The following PRSS33 variants were observed in gnomAD, a reference collection of about 807,000 sequenced individuals.
PRSS33 encodes serine protease 33.
In PRSS33, 32 loss-of-function variants were observed where a neutral mutation model predicts 26.7. The ratio of observed to expected loss-of-function variants is 1.20; its 90% CI spans 0.90 to 1.61. PRSS33 has a LOEUF of 1.61. PRSS33 is among the 40% of genes most tolerant of loss of function. The probability of loss-of-function intolerance (pLI) is 0.00; values close to 1 mark genes in which losing one functional copy is unlikely to be tolerated. For missense variants in PRSS33, 450 were observed against 396.3 expected (o/e 1.14, Z -1.15); for synonymous variants, 192 against 177.6 (o/e 1.08, Z -0.64).
chr16:2,786,497 C>A lies in PRSS33; in HGVS notation c.46+5G>T. ...CCCTCACCCCCAGTCCCTGTCCCCA[C>A]TCACCCAGCACCAGAAGGAGCAGGA... On this transcript the variant is annotated splice_donor_5th_base_variant and intron_variant, in intron 2 of 6. Transcript: ENST00000682474. 3.1e-6 allele frequency: 5 copies of A among 1,613,436 alleles called. No homozygotes were observed. Among genetic ancestry groups the A allele is most frequent in the Non-Finnish European group, 4.2e-6 (5 of 1,179,734 alleles).
At position 2,785,656 on chromosome 16, in the gene PRSS33, A is replaced by G. The variant is rs1270657267; in HGVS notation, c.243-10T>C. On this transcript the variant is annotated splice_polypyrimidine_tract_variant and intron_variant, in intron 4 of 6. Transcript: ENST00000682474. ...AGCTGGCAGTGCCCTCCTGCAGGAC[A>G]GGAGCGGGGGACTACTTCCAGCACC... The G allele has an allele frequency of 1.4e-6, 2 of 1,479,606 alleles. No individual in the cohort carries two copies. Among genetic ancestry groups the G allele is most frequent in the Non-Finnish European group, 1.8e-6 (2 of 1,120,344 alleles). 91.7% of individuals were successfully genotyped at this position (1,479,606 alleles called of 1,614,324 possible).
rs1396676244 is a variant in PRSS33, at chr16:2,784,571, G to A, written c.*73C>T. On this transcript the variant is annotated 3_prime_UTR_variant, in exon 7 of 7. Transcript: ENST00000682474. ...CGAGGCAGAAGGGATGTGGGGTATA[G>A]GCAGGTGCCTGGATGAACCAGGAGG... The A allele has an allele frequency of 2.8e-6, 4 of 1,442,692 alleles. No individual in the cohort carries two copies. The highest frequency in any genetic ancestry group is 3.7e-6 in the Non-Finnish European group (4 of 1,072,276). 89.4% of individuals were successfully genotyped at this position (1,442,692 alleles called of 1,614,324 possible). A position where few individuals can be genotyped will look rare whatever the true frequency, so the allele number is the denominator to read the frequency against.
chr16:2,785,681 C>T (rs1187331040), intron 4 of PRSS33, 35 bp from the exon 5 acceptor site: 16 of 1,467,478 alleles, frequency 1.1e-5, no homozygotes, highest in East Asian at 1.0e-4. Flanking sequence ...CTTCCAGCAC[C>T]GGGTCCTCGA....
chr16:2,785,338 C>A (rs1023348261), intron 5 of PRSS33, 37 bp downstream of exon 5: 17 of 1,454,412 alleles, frequency 1.2e-5, no homozygotes, highest in Non-Finnish European at 1.5e-5. Context: ...GACGTGGGGG[C>A]TCCCGGATGC....
rs768277213 is a variant in PRSS33 at position 2,785,178 on chromosome 16, G to T, written c.515-7C>A. 3 of 1,534,366 alleles carry T rather than the reference G, an allele frequency of 2.0e-6. No homozygotes were observed. The highest frequency in any genetic ancestry group is 2.6e-6 in the Non-Finnish European group (3 of 1,143,732). ...CGCCACTCTGGGAGGGGCACTGGGG[G>T]AAGAGGAGGGACCTCTGAGAGGAAG... On this transcript the variant is annotated splice_region_variant and splice_polypyrimidine_tract_variant and intron_variant, in intron 5 of 6. Coordinates refer to ENST00000682474, the MANE Select transcript of PRSS33 (RefSeq NM_152891.3).
chr16:2,784,583 G>T lies in PRSS33; in HGVS notation c.*61C>A. ...GATGTGGGGTATAGGCAGGTGCCTG[G>T]ATGAACCAGGAGGCTGAGGGACCCC... is the stretch of plus-strand genomic sequence containing the variant. On this transcript the variant is annotated 3_prime_UTR_variant, in exon 7 of 7. Transcript: ENST00000682474. 1 of 1,489,234 alleles carries T rather than the reference G, an allele frequency of 6.7e-7. No individual in the cohort carries two copies. The highest frequency in any genetic ancestry group is 9.0e-7 in the Non-Finnish European group (1 of 1,108,574). 92.3% of individuals were successfully genotyped at this position (1,489,234 alleles called of 1,614,324 possible).
Position 2,784,747 on chromosome 16 carries a change from C to T in PRSS33, c.740G>A (p.Gly247Asp). ...CLQSGSWVLV[G>D]VVSWGKGCAL... ...ACAACCCTTGCCCCAGCTCACCACG[C>T]CCACCAGGACCCAGCTCCCAGACTG... Residue 247 changes from glycine (G) to aspartate (D), a missense_variant, in exon 7 of 7, where the codon GGC (glycine) becomes GAC (aspartate). Coordinates refer to ENST00000682474, the MANE Select transcript of PRSS33 (RefSeq NM_152891.3). 6.2e-7 allele frequency: 1 copy of T among 1,608,306 alleles called. No homozygotes were observed. Among genetic ancestry groups the T allele is most frequent in the African/African-American group, 1.3e-5 (1 of 74,890 alleles).
At chr16:2,786,782 C>T in intron 1 of PRSS33, 178 bp from the exon 2 acceptor site, 1 of 487,970 alleles carries the variant, frequency 2.0e-6, no homozygotes, top group East Asian at 3.5e-5. Flanking sequence ...GTATGCAGCA[C>T]CCACCACCCA....
At position 2,785,654 on chromosome 16, in the gene PRSS33, A is replaced by G. The variant is rs777696898; in HGVS notation, c.243-8T>C. 6.8e-6 allele frequency: 10 copies of G among 1,480,962 alleles called. No homozygotes were observed. In the Admixed American group the frequency reaches 2.1e-4, roughly 32 times the overall value. 91.7% of individuals were successfully genotyped at this position (1,480,962 alleles called of 1,614,324 possible). A position where few individuals can be genotyped will look rare whatever the true frequency, so the allele number is the denominator to read the frequency against. On this transcript the variant is annotated splice_polypyrimidine_tract_variant and splice_region_variant and intron_variant, in intron 4 of 6. Coordinates refer to ENST00000682474, the MANE Select transcript of PRSS33 (RefSeq NM_152891.3). ...TCAGCTGGCAGTGCCCTCCTGCAGG[A>G]CAGGAGCGGGGGACTACTTCCAGCA...
intron 2 of PRSS33, 104 bp from the exon 3 acceptor site, chr16:2,786,225 C>T: frequency 9.1e-7 from 1 of 1,101,654 alleles, no homozygotes; most frequent in South Asian, 1.3e-5. Flanking sequence ...CAATGTTGCC[C>T]TGACATTGCG....
In PRSS33 at chr16:2,786,425, C is replaced by A. The variant is rs376924266; in HGVS notation, c.46+77G>T. 9.2e-5 allele frequency: 144 copies of A among 1,556,768 alleles called. No individual in the cohort carries two copies. The African/African-American group carries it at 1.8e-3, about 20-fold the overall frequency. On this transcript the variant is annotated intron_variant, in intron 2 of 6. Coordinates refer to ENST00000682474, the MANE Select transcript of PRSS33 (RefSeq NM_152891.3). ...CCCAAGAGTGCTCCAGGGAGCCCGGCCCAGGGAGCAGTGAGATGGGAGAAC... is the reference window on the plus strand; with the variant it reads ...CCCAAGAGTGCTCCAGGGAGCCCGGACCAGGGAGCAGTGAGATGGGAGAAC...
chr16:2,785,283 G>T, intron 5 of PRSS33, 92 bp downstream of exon 5: 7 of 1,447,658 alleles, frequency 4.8e-6, no homozygotes, highest in Non-Finnish European at 6.4e-6. Flanking sequence ...GCTGGGTCCT[G>T]GATTGGGGCA....
chr16:2,785,341 C>G, intron 5 of PRSS33, 34 bp downstream of exon 5: 1 of 1,452,784 alleles, frequency 6.9e-7, no homozygotes, highest in Non-Finnish European at 9.0e-7. Context: ...GTGGGGGCTC[C>G]CGGATGCCTC....
In PRSS33 at chr16:2,785,912, G is replaced by T; in HGVS notation, c.129C>A (p.Gly43=). The change falls in exon 4 of 7, where the codon GGC becomes GGA. Residue 43 remains glycine (G), a synonymous_variant. Transcript: ENST00000682474. The stretch of plus-strand genomic sequence containing the variant: ...CCTGCCACGGCCACTCTCCGTCCCG[G>T]CCATCCCGGCCCCCAACGATCCGAC... ...MSSRIVGGRD[G]RDGEWPWQAS... 2 of 1,611,772 alleles carry T rather than the reference G, an allele frequency of 1.2e-6. No individual in the cohort carries two copies. The highest frequency in any genetic ancestry group is 2.2e-5 in the South Asian group (2 of 90,968).
Position 2,784,761 on chromosome 16 carries a change from G to A in PRSS33, c.726C>T (p.Ser242=). 1 of 1,609,396 alleles carries A rather than the reference G, an allele frequency of 6.2e-7. No individual in the cohort carries two copies. Among genetic ancestry groups the A allele is most frequent in the Non-Finnish European group, 8.5e-7 (1 of 1,178,132 alleles). The stretch of plus-strand genomic sequence containing the variant: ...AGCTCACCACGCCCACCAGGACCCA[G>A]CTCCCAGACTGCAGGCAGGTCAGAG... ...GGPLTCLQSG[S]WVLVGVVSWG... Residue 242 remains serine, a synonymous_variant, in exon 7 of 7, where the codon AGC becomes AGT. Coordinates refer to ENST00000682474, the MANE Select transcript of PRSS33 (RefSeq NM_152891.3).
chr16:2,785,957 G>T lies in PRSS33; in HGVS notation c.84C>A (p.Cys28Ter), dbSNP rs765145091. 3 of 1,612,742 alleles carry T rather than the reference G, an allele frequency of 1.9e-6. No homozygotes were observed. Among genetic ancestry groups the T allele is most frequent in the Admixed American group, 1.7e-5 (1 of 59,966 alleles). Residue 28 changes from cysteine to a stop codon, truncating the protein, a stop_gained, in exon 4 of 7, where the codon TGC becomes TGA. Transcript: ENST00000682474. LOFTEE classifies it high-confidence loss of function. ...AGTQGRKSAA[C>*]GQPRMSSRIV... ...TCCGACTGGACATGCGGGGCTGCCC[G>T]CAGGCTAGAAAAGGACCAGGGGCGG...
chr16:2,785,044 A>G lies in PRSS33; in HGVS notation c.642T>C (p.Ser214=). The change falls in exon 6 of 7, where the codon AGT becomes AGC. Residue 214 remains serine (S), a synonymous_variant. Transcript: ENST00000682474. The part of the protein sequence containing the change: ...PQAERIVLPG[S]LCAGYPQGHK... ...GGCCCTGGGGGTAGCCGGCACACAG[A>G]CTCCCAGGCAGCACAATGCGCTCAG... The G allele has an allele frequency of 6.3e-7, 1 of 1,586,664 alleles. No individual in the cohort carries two copies. The highest frequency in any genetic ancestry group is 1.3e-5 in the African/African-American group (1 of 74,358).
In PRSS33 at chr16:2,784,394, A is replaced by C; in HGVS notation, c.*250T>G. 4 of 370,200 alleles carry C rather than the reference A, an allele frequency of 1.1e-5. No homozygotes were observed. Among genetic ancestry groups the C allele is most frequent in the East Asian group, 4.8e-5 (1 of 20,714 alleles). The allele number at this position is 370,200 out of a possible 1,614,324, so 22.9% of individuals were successfully genotyped here. A position where few individuals can be genotyped will look rare whatever the true frequency, so the allele number is the denominator to read the frequency against. On this transcript the variant is annotated 3_prime_UTR_variant, in exon 7 of 7. Coordinates refer to ENST00000682474, the MANE Select transcript of PRSS33 (RefSeq NM_152891.3). ...CAAGAAAAGTAAATACAAGCCAGGA[A>C]GGGAGTGGGGAGTGTGACTCCCTGG...
At chr16:2,785,761 C>A in intron 4 of PRSS33, 38 bp downstream of exon 4, 1 of 1,546,714 alleles carries the variant, frequency 6.5e-7, no homozygotes, top group Non-Finnish European at 8.7e-7. Flanking sequence ...GCCTTGCCTT[C>A]CTTGCACACC....
Sources: gnomAD v4.1 joint callset for allele counts on GRCh38, gnomAD v4.1.1 for gene constraint, MANE v1.5 for transcripts, NCBI Gene and HGNC (gene_info 2026-07-23, HGNC 2026-07-21) for gene names.